Variants in ESR1 observed in about 807,000 individuals in gnomAD.
ESR1 encodes the protein estrogen receptor 1, also known as estrogen receptor.
ESR1 carries 12 observed loss-of-function variants against 52.7 expected under a neutral mutation model. The observed-to-expected ratio is 0.23, with a 90% CI of 0.15 to 0.37. The LOEUF is 0.37. ESR1 is among the 10% of genes least tolerant of loss of function. The pLI is 1.00. For missense variants in ESR1, 584 were observed against 779.7 expected, an observed-to-expected ratio of 0.75 and a Z score of 2.99; for synonymous variants, 305 against 316.8, an observed-to-expected ratio of 0.96 and a Z score of 0.39.
intron 2 of ESR1, among the ~76,000 whole-genome samples, chr6:151,703,650 A>G (rs2115435728): frequency 6.6e-6 from 1 of 152,242 alleles, no homozygotes. Flanking sequence ...AGGAGGGGGA[A>G]AAAAGATTTT....
chr6:151,697,328 G>A (rs1779424081), intron 1 of ESR1, among the ~76,000 whole-genome samples: 1 of 152,212 alleles, frequency 6.6e-6, no homozygotes, highest in Non-Finnish European at 1.5e-5. Context: ...AGAAAGAAGT[G>A]TATTGAGAAT....
intron 5 of ESR1, among the ~76,000 whole-genome samples, chr6:152,016,957 C>A (rs1279956888): frequency 1.3e-5 from 2 of 152,056 alleles, no homozygotes; most frequent in East Asian, 3.9e-4. Context: ...CTAACTGGAG[C>A]CTGGATTTCA....
At chr6:151,864,083 C>A (rs1307106965) in intron 2 of ESR1, among the ~76,000 whole-genome samples, 1 of 152,148 alleles carries the variant, frequency 6.6e-6, no homozygotes, top group Non-Finnish European at 1.5e-5. Flanking sequence ...AACTAAAGAG[C>A]TTCTGTTCTT....
chr6:152,113,354 C>G (rs186315543), intron 6 of ESR1, among the ~76,000 whole-genome samples: 1 of 152,314 alleles, frequency 6.6e-6, no homozygotes, highest in East Asian at 1.9e-4. Flanking sequence ...GTAAGAGTCC[C>G]TGACAGGTGG....
intron 2 of ESR1, among the ~76,000 whole-genome samples, chr6:151,785,891 G>A (rs1786975308): frequency 1.3e-5 from 2 of 152,164 alleles, no homozygotes; most frequent in African/African-American, 2.4e-5. Context: ...GTGTGAAGGA[G>A]GGGTTAATTA....
chr6:151,795,112 C>T (rs917280816), intron 2 of ESR1, among the ~76,000 whole-genome samples: 4 of 151,942 alleles, frequency 2.6e-5, no homozygotes, highest in Non-Finnish European at 4.4e-5. Context: ...TGGAAATTGC[C>T]CCAATTTTAT....
At chr6:151,800,159 T>A (rs1433070469), upstream of ESR1, among the ~76,000 whole-genome samples, 1 of 152,124 alleles carries the variant, frequency 6.6e-6, no homozygotes, top group Non-Finnish European at 1.5e-5. Flanking sequence ...TATTTTGAAA[T>A]TTTCAATGTA....
chr6:151,657,177 T>C (rs1469637160), intron 1 of ESR1, among the ~76,000 whole-genome samples: 2 of 152,192 alleles, frequency 1.3e-5, no homozygotes, highest in Non-Finnish European at 2.9e-5. Context: ...CATTAAAAAC[T>C]GATTTAGATA....
intron 6 of ESR1, chr6:152,121,941 G>C (rs1338809032): frequency 1.2e-5 from 2 of 161,270 alleles, no homozygotes; most frequent in South Asian, 1.7e-4. Flanking sequence ...AAGGTAAAAA[G>C]GAAGCTGCCA....
At chr6:151,686,876 C>T (rs1230687152), upstream of ESR1, among the ~76,000 whole-genome samples, 2 of 152,202 alleles carry the variant, frequency 1.3e-5, no homozygotes, top group African/African-American at 2.4e-5. Context: ...ACAACCCTGT[C>T]AGTGACTATA....
chr6:151,854,138 G>A (rs1325245397), intron 2 of ESR1, among the ~76,000 whole-genome samples: 2 of 152,082 alleles, frequency 1.3e-5, no homozygotes, highest in African/African-American at 2.4e-5. Context: ...TATTTTAGAC[G>A]TAGGTTGCTA....
In ESR1 at chr6:151,867,526, T is replaced by C. The variant is rs1228778652; in HGVS notation, c.644-13129T>C. The stretch of plus-strand genomic sequence containing the variant: ...ATTTACACTGCCAACAACATAAATA[T>C]GCTGCCAACAAGCATATGAAAAAAA... On this transcript the variant is annotated intron_variant, in intron 2 of 7. Coordinates refer to ENST00000206249, the MANE Select transcript of ESR1 (RefSeq NM_000125.4). Among the ~76,000 whole-genome samples, 3 of 151,956 alleles carry C rather than the reference T, an allele frequency of 2.0e-5. No homozygotes were observed. In the East Asian group the frequency reaches 5.8e-4, roughly 29 times the overall value.
At chr6:151,703,339 G>T (rs1392360922) in intron 2 of ESR1, among the ~76,000 whole-genome samples, 1 of 152,180 alleles carries the variant, frequency 6.6e-6, no homozygotes, top group Non-Finnish European at 1.5e-5. Flanking sequence ...CCAGTCTTCT[G>T]AGGCTGGAGG....
At chr6:152,107,691 C>G (rs533192721), downstream of ESR1, among the ~76,000 whole-genome samples, 13 of 152,294 alleles carry the variant, frequency 8.5e-5, no homozygotes, top group Admixed American at 3.3e-4. Flanking sequence ...GAAAACTGAA[C>G]ATTTTAGATA....
At chr6:151,818,629 T>G (rs2057762353) in intron 1 of ESR1, among the ~76,000 whole-genome samples, 1 of 152,140 alleles carries the variant, frequency 6.6e-6, no homozygotes, top group Admixed American at 6.5e-5. Flanking sequence ...TTAAAAACAC[T>G]GATGAGAAGT....
intron 3 of ESR1, among the ~76,000 whole-genome samples, chr6:151,929,049 T>C (rs1422415222): frequency 6.6e-6 from 1 of 152,184 alleles, no homozygotes; most frequent in African/African-American, 2.4e-5. Context: ...GATGGAGTAT[T>C]CTATAAATAT....
intron 1 of ESR1, among the ~76,000 whole-genome samples, chr6:151,662,923 T>A (rs1013297589): frequency 2.6e-5 from 4 of 152,242 alleles, no homozygotes; most frequent in African/African-American, 4.8e-5. Flanking sequence ...CACTGTTTAT[T>A]CTGTGTAGTG....
chr6:151,893,644 C>G (rs1795026552), intron 3 of ESR1, among the ~76,000 whole-genome samples: 1 of 151,996 alleles, frequency 6.6e-6, no homozygotes, highest in African/African-American at 2.4e-5. Flanking sequence ...ATTATTGATA[C>G]ATTATGTATG....
rs750209771 is a variant in ESR1 at position 151,807,892 on chromosome 6, C to T, written c.-21C>T. 4 of 1,609,268 alleles carry T rather than the reference C, an allele frequency of 2.5e-6. No homozygotes were observed. The highest frequency in any genetic ancestry group is 3.4e-6 in the Non-Finnish European group (4 of 1,176,480). On this transcript the variant is annotated 5_prime_UTR_variant, in exon 1 of 8. Coordinates refer to ENST00000206249, the MANE Select transcript of ESR1 (RefSeq NM_000125.4). ...CTGCCCTGCGGGGACACGGTCTGCA[C>T]CCTGCCCGCGGCCACGGACCATGAC...
Sources: allele counts gnomAD v4.1 joint callset (sites outside exome capture counted in the v4.1 genomes callset), GRCh38; gene constraint gnomAD v4.1.1; transcripts MANE v1.5; gene names NCBI Gene and HGNC (gene_info 2026-07-23, HGNC 2026-07-21).